Variants in CSPP1 observed in about 807,000 individuals in gnomAD.
CSPP1 encodes centrosome and spindle pole associated protein 1, also known as centrosome and spindle pole-associated protein 1.
Under a neutral mutation model 164.4 loss-of-function variants are expected in CSPP1, and 126 were observed. The ratio of observed to expected loss-of-function variants is 0.77; its 90% CI spans 0.66 to 0.89. CSPP1 has a LOEUF of 0.89. Ranked by LOEUF, CSPP1 falls within the 40% of genes least tolerant of loss-of-function variation. The pLI is 0.00. For synonymous variants in CSPP1, 472 were observed against 476.7 expected (o/e 0.99, Z 0.13); for missense variants, 1,395 against 1,449.8 (o/e 0.96, Z 0.61).
intron 4 of CSPP1, among the ~76,000 whole-genome samples, chr8:67,088,937 A>G (rs1208676214): frequency 1.3e-5 from 2 of 151,634 alleles, no homozygotes; most frequent in Non-Finnish European, 2.9e-5. Context: ...GAGGAGCACT[A>G]TTTCCTTAAA....
At chr8:67,074,182 G>A (rs570576161) in intron 1 of CSPP1, 61 bp from the exon 2 acceptor site, 15 of 913,916 alleles carry the variant, frequency 1.6e-5, no homozygotes, top group Non-Finnish European at 2.4e-5. Context: ...AAGCCTACAT[G>A]TTGATAATTA....
chr8:67,083,255 C>T (rs1016433256), intron 3 of CSPP1, among the ~76,000 whole-genome samples: 4 of 151,510 alleles, frequency 2.6e-5, no homozygotes, highest in Non-Finnish European at 5.9e-5. Flanking sequence ...AATAATAGGC[C>T]GGGCGCAGTG....
rs1817497866 is a variant in CSPP1, at chr8:67,114,345, C to T, written c.1262C>T (p.Thr421Ile). ...DPEKSWNELL[T>I]SLQLSKEEPD... ...ATCATTAAGTGGAATGAATTACTCA[C>T]ATCATTGCAGTTAAGTAAGGAGGAG... Residue 421 changes from threonine to isoleucine, a missense_variant, in exon 12 of 31, where the codon ACA becomes ATA. By Grantham distance (89) the Thr-to-Ile change is moderately conservative. Transcript: ENST00000678616. 1 of 152,612 alleles carries T rather than the reference C, an allele frequency of 6.6e-6. No individual in the cohort carries two copies. Among genetic ancestry groups the T allele is most frequent in the African/African-American group, 2.4e-5 (1 of 41,444 alleles). The allele number at this position is 152,612 out of a possible 1,614,324, so 9.5% of individuals were successfully genotyped here. A position where few individuals can be genotyped will look rare whatever the true frequency, so the allele number is the denominator to read the frequency against.
rs958252884 is a variant in CSPP1 at position 67,195,974 on chromosome 8, A to G, written c.*381A>G. On this transcript the variant is annotated 3_prime_UTR_variant, in exon 31 of 31. Transcript: ENST00000678616. ...CATTTTCCATTGTTACCTCGATGCA[A>G]AAGAATTCATTTAGTAGGTACATCT... is the stretch of plus-strand genomic sequence containing the variant. 7.4e-5 allele frequency: 13 copies of G among 176,308 alleles called. No individual in the cohort carries two copies. Among genetic ancestry groups the G allele is most frequent in the Non-Finnish European group, 1.3e-4 (11 of 82,126 alleles). The allele number at this position is 176,308 out of a possible 1,614,324, so 10.9% of individuals were successfully genotyped here.
chr8:67,109,391 A>G (rs1054532722), intron 9 of CSPP1, among the ~76,000 whole-genome samples: 1 of 152,228 alleles, frequency 6.6e-6, no homozygotes, highest in Non-Finnish European at 1.5e-5. Flanking sequence ...TCCTTCTTCT[A>G]AGGGCTTTCA....
chr8:67,079,988 C>T (rs997325744), intron 3 of CSPP1, among the ~76,000 whole-genome samples: 2 of 152,196 alleles, frequency 1.3e-5, no homozygotes, highest in African/African-American at 4.8e-5. Flanking sequence ...CATCTGAAAC[C>T]ATTTGATGCA....
At chr8:67,143,445 T>G (rs781282132) in intron 17 of CSPP1, among the ~76,000 whole-genome samples, 1 of 152,116 alleles carries the variant, frequency 6.6e-6, no homozygotes, top group Non-Finnish European at 1.5e-5. Flanking sequence ...ATTATTACTA[T>G]TACTATTACT....
intron 21 of CSPP1, among the ~76,000 whole-genome samples, chr8:67,159,858 TTCTTTCTTTCTTTC>T (rs1393416747): frequency 4.9e-4 from 12 of 24,308 alleles, no homozygotes; most frequent in South Asian, 1.7e-3. Context: ...TTCTTTTTCT[TTCTTTCTTTCTTTC>T]TTTCTTTCTT....
intron 29 of CSPP1, among the ~76,000 whole-genome samples, chr8:67,193,081 C>T (rs1227481911): frequency 1.3e-5 from 2 of 152,164 alleles, no homozygotes; most frequent in African/African-American, 4.8e-5. Flanking sequence ...TTGTTCATCA[C>T]AGTGTACATT....
chr8:67,163,759 C>T lies in CSPP1; in HGVS notation c.2671C>T (p.Pro891Ser). Reference protein sequence around the residue: ...HESSMSRAQSPPVPARKNQLR... With the variant: ...HESSMSRAQSSPVPARKNQLR... Reference sequence around the variant, plus strand: ...AAGTTCCATGTCCAGGGCACAGTCACCCCCGGTACCTGCCAGGAAAAATCA... The same window carrying T: ...AAGTTCCATGTCCAGGGCACAGTCATCCCCGGTACCTGCCAGGAAAAATCA... Residue 891 changes from proline to serine, a missense_variant, in exon 23 of 31, where the codon CCC becomes TCC. Transcript: ENST00000678616. The T allele has an allele frequency of 6.2e-7, 1 of 1,612,990 alleles. No individual in the cohort carries two copies. The highest frequency in any genetic ancestry group is 8.5e-7 in the Non-Finnish European group (1 of 1,179,236).
chr8:67,074,830 G>T (rs549222742), intron 2 of CSPP1: 1 of 295,658 alleles, frequency 3.4e-6, no homozygotes, highest in Non-Finnish European at 6.4e-6. Context: ...GGCCAGGCAG[G>T]ACTGCAATGG....
chr8:67,162,838 A>G (rs1173629756), intron 22 of CSPP1, among the ~76,000 whole-genome samples: 1 of 152,150 alleles, frequency 6.6e-6, no homozygotes, highest in Non-Finnish European at 1.5e-5. Context: ...GGAGTCTATG[A>G]TAACTTTCAA....
chr8:67,190,946 C>G (rs1006791609), intron 29 of CSPP1, among the ~76,000 whole-genome samples, 187 bp downstream of exon 29: 5 of 152,136 alleles, frequency 3.3e-5, no homozygotes, highest in African/African-American at 1.2e-4. Context: ...TTGGCTTCTT[C>G]CAGATAATAA....
intron 15 of CSPP1, among the ~76,000 whole-genome samples, chr8:67,131,204 G>A (rs529759189): frequency 6.6e-6 from 1 of 152,228 alleles, no homozygotes; most frequent in African/African-American, 2.4e-5. Context: ...AGACCAGCCT[G>A]GGCAACGTAG....
intron 19 of CSPP1, among the ~76,000 whole-genome samples, chr8:67,157,416 C>T (rs1171785572): frequency 6.6e-6 from 1 of 151,998 alleles, no homozygotes; most frequent in Non-Finnish European, 1.5e-5. Context: ...CTGTCTCAGC[C>T]TCCTGAGTAG....
intron 28 of CSPP1, among the ~76,000 whole-genome samples, chr8:67,180,717 T>G (rs1247245113): frequency 6.6e-6 from 1 of 152,192 alleles, no homozygotes; most frequent in Non-Finnish European, 1.5e-5. Context: ...ACAAAGTGTA[T>G]AAGGAATCTC....
chr8:67,138,780 A>T (rs1822888606), intron 17 of CSPP1, among the ~76,000 whole-genome samples: 1 of 152,174 alleles, frequency 6.6e-6, no homozygotes, highest in Admixed American at 6.6e-5. Context: ...GCCATGCAGA[A>T]GCTCTTTAGT....
At chr8:67,068,631 T>C (rs1039063228) in intron 1 of CSPP1, among the ~76,000 whole-genome samples, 3 of 152,262 alleles carry the variant, frequency 2.0e-5, no homozygotes, top group Non-Finnish European at 4.4e-5. Context: ...AGTTGAAATA[T>C]GTTTTCTGTA....
intron 15 of CSPP1, among the ~76,000 whole-genome samples, chr8:67,131,432 A>G (rs1321678133): frequency 6.6e-6 from 1 of 152,240 alleles, no homozygotes; most frequent in African/African-American, 2.4e-5. Context: ...GATTTATGTA[A>G]CAACAATATG....
Sources: gnomAD v4.1 joint callset for allele counts (sites outside exome capture counted in the v4.1 genomes callset) on GRCh38, gnomAD v4.1.1 for gene constraint, MANE v1.5 for transcripts, NCBI Gene and HGNC (gene_info 2026-07-23, HGNC 2026-07-21) for gene names.